The following HMBOX1 variants were observed in gnomAD, a reference collection of about 807,000 sequenced individuals.
The protein encoded by HMBOX1 is homeobox containing 1, also known as homeobox-containing protein 1.
Under a neutral mutation model 54.5 loss-of-function variants are expected in HMBOX1, and 14 were observed. The ratio of observed to expected loss-of-function variants is 0.26; its 90% CI spans 0.17 to 0.40. The LOEUF (loss-of-function observed/expected upper bound fraction) is 0.40. HMBOX1 is among the 10% of genes least tolerant of loss of function. The probability of loss-of-function intolerance (pLI) is 1.00; values close to 1 mark genes in which losing one functional copy is unlikely to be tolerated. For missense variants in HMBOX1, 332 were observed against 514.4 expected, an observed-to-expected ratio of 0.65 and a Z score of 3.43; for synonymous variants, 160 against 181.0, an observed-to-expected ratio of 0.88 and a Z score of 0.93.
chr8:29,000,020 T>C (rs1832404421), intron 4 of HMBOX1, among the ~76,000 whole-genome samples: 1 of 152,206 alleles, frequency 6.6e-6, no homozygotes, highest in Admixed American at 6.5e-5. Context: ...TCAGATTCCT[T>C]CCTCCCTTGG....
rs1032827623 is a variant in HMBOX1 at position 28,980,007 on chromosome 8, T to A, written c.501-64T>A. 1.4e-5 allele frequency: 17 copies of A among 1,244,842 alleles called. No individual in the cohort carries two copies. The African/African-American group carries it at 1.8e-4, about 13-fold the overall frequency. 77.1% of individuals were successfully genotyped at this position (1,244,842 alleles called of 1,614,324 possible). ...CCCACCTCTCTGCTTCACCTTTCTT[T>A]TAGCAAAGATGAGGATTTCTACCTT... is the stretch of plus-strand genomic sequence containing the variant. On this transcript the variant is annotated intron_variant, in intron 3 of 9. Coordinates refer to ENST00000287701, the MANE Select transcript of HMBOX1 (RefSeq NM_001135726.3).
chr8:28,967,585 A>G (rs1347702217), intron 2 of HMBOX1, among the ~76,000 whole-genome samples: 3 of 152,182 alleles, frequency 2.0e-5, no homozygotes, highest in African/African-American at 7.2e-5. Flanking sequence ...ATGATTGGGG[A>G]TTTTTGTCCA....
chr8:29,028,240 A>G (rs1274224008), intron 6 of HMBOX1, among the ~76,000 whole-genome samples: 8 of 152,318 alleles, frequency 5.3e-5, no homozygotes, highest in Non-Finnish European at 8.8e-5. Flanking sequence ...CAACCACAAT[A>G]CTATAACGAA....
intron 1 of HMBOX1, chr8:28,949,656 A>G (rs1231598097): frequency 6.6e-6 from 1 of 152,214 alleles, no homozygotes; most frequent in Non-Finnish European, 1.5e-5. Context: ...TCACTAAGCA[A>G]AGATTTATTT....
chr8:29,018,657 C>A, intron 5 of HMBOX1, 103 bp from the exon 6 acceptor site: 1 of 1,159,340 alleles, frequency 8.6e-7, no homozygotes, highest in South Asian at 1.8e-5. Flanking sequence ...ATTAAGTTGT[C>A]ACTAAGCCAA....
At chr8:29,013,821 A>G (rs1834565568) in intron 5 of HMBOX1, among the ~76,000 whole-genome samples, 2 of 152,214 alleles carry the variant, frequency 1.3e-5, no homozygotes, top group Non-Finnish European at 1.5e-5. Flanking sequence ...CCCTTGTCTA[A>G]TTTAAACATT....
chr8:29,026,253 G>T (rs1002914613), intron 6 of HMBOX1, among the ~76,000 whole-genome samples: 1 of 151,860 alleles, frequency 6.6e-6, no homozygotes, highest in African/African-American at 2.4e-5. Context: ...AACATTTATT[G>T]TCACAAAGGA....
At chr8:28,995,937 C>T (rs1247705547) in intron 4 of HMBOX1, among the ~76,000 whole-genome samples, 3 of 151,830 alleles carry the variant, frequency 2.0e-5, no homozygotes. Flanking sequence ...CCCGTCTCTA[C>T]TAAAAAAAAA....
intron 1 of HMBOX1, among the ~76,000 whole-genome samples, chr8:28,922,964 C>T (rs188767621): frequency 6.6e-6 from 1 of 152,140 alleles, no homozygotes; most frequent in Non-Finnish European, 1.5e-5. Context: ...GGGCATTATC[C>T]CTTTTTTGTA....
chr8:28,922,122 T>C (rs2131801497), intron 1 of HMBOX1, among the ~76,000 whole-genome samples: 1 of 152,308 alleles, frequency 6.6e-6, no homozygotes, highest in South Asian at 2.1e-4. Flanking sequence ...CAAAAATATA[T>C]GGGGAAGAAA....
intron 1 of HMBOX1, among the ~76,000 whole-genome samples, chr8:28,947,415 C>T (rs752536638): frequency 2.0e-5 from 3 of 152,178 alleles, no homozygotes; most frequent in Admixed American, 6.5e-5. Context: ...TAAAACACTC[C>T]TCCACTTCTC....
intron 1 of HMBOX1, among the ~76,000 whole-genome samples, chr8:28,947,051 A>G (rs1236685158): frequency 6.6e-6 from 1 of 152,190 alleles, no homozygotes; most frequent in Non-Finnish European, 1.5e-5. Flanking sequence ...AGAAAGAGAG[A>G]AAATGTGATG....
chr8:28,979,674 ACTGAATTTGTT>A (rs1829026605), intron 3 of HMBOX1, among the ~76,000 whole-genome samples: 1 of 152,270 alleles, frequency 6.6e-6, no homozygotes. Flanking sequence ...TCTGCTCACA[ACTGAATTTGTT>A]GTTGTTGCTC....
intron 1 of HMBOX1, among the ~76,000 whole-genome samples, chr8:28,936,822 C>A: frequency 6.6e-6 from 1 of 150,776 alleles, no homozygotes; most frequent in East Asian, 1.9e-4. Context: ...AAAACAGCCC[C>A]CAAGGCCACT....
intron 6 of HMBOX1, among the ~76,000 whole-genome samples, chr8:29,019,529 T>A (rs1298306143): frequency 6.6e-6 from 1 of 152,180 alleles, no homozygotes; most frequent in Non-Finnish European, 1.5e-5. Flanking sequence ...TAGAATTATC[T>A]TTTTAGTCAT....
At chr8:28,931,344 C>T (rs946415812) in intron 1 of HMBOX1, among the ~76,000 whole-genome samples, 1 of 152,136 alleles carries the variant, frequency 6.6e-6, no homozygotes, top group Non-Finnish European at 1.5e-5. Context: ...TGTGCTCATG[C>T]GTAGTCCTGG....
At chr8:28,947,934 A>G (rs1202114038) in intron 1 of HMBOX1, among the ~76,000 whole-genome samples, 1 of 151,798 alleles carries the variant, frequency 6.6e-6, no homozygotes, top group African/African-American at 2.4e-5. Flanking sequence ...TTATTTATTT[A>G]TTTATTTGAG....
Position 28,968,684 on chromosome 8 carries a change from C to T in HMBOX1, c.24-1359C>T, listed in dbSNP as rs1005033793. 8.1e-4 allele frequency among the ~76,000 whole-genome samples: 123 copies of T among 152,154 alleles called. 3 individuals are homozygous for T. The highest frequency in any genetic ancestry group is 5.9e-5 in the Non-Finnish European group (4 of 68,040). On this transcript the variant is annotated intron_variant, in intron 2 of 9. Transcript: ENST00000287701. Reference sequence around the variant, plus strand: ...AAAGAAACAGTGAGACCTTCAATAGCTATAGGACACTGGCCCAGAGCAGAT... The same window carrying T: ...AAAGAAACAGTGAGACCTTCAATAGTTATAGGACACTGGCCCAGAGCAGAT...
chr8:28,965,053 G>A (rs1826207765), intron 2 of HMBOX1, among the ~76,000 whole-genome samples: 1 of 152,208 alleles, frequency 6.6e-6, no homozygotes, highest in African/African-American at 2.4e-5. Context: ...GGAGAGTTAA[G>A]ACGTCTAATG....
Sources: allele counts gnomAD v4.1 joint callset (sites outside exome capture counted in the v4.1 genomes callset), GRCh38; gene constraint gnomAD v4.1.1; transcripts MANE v1.5; gene names NCBI Gene and HGNC (gene_info 2026-07-23, HGNC 2026-07-21).